Variants in CDCA7L observed in about 807,000 individuals in gnomAD.
The protein encoded by CDCA7L is cell division cycle-associated 7-like protein.
In CDCA7L, 44 loss-of-function variants were observed where a neutral mutation model predicts 57.4. The ratio of observed to expected loss-of-function variants is 0.77; its 90% CI spans 0.60 to 0.98. The LOEUF is 0.98. CDCA7L is among the 50% of genes least tolerant of loss of function. The probability of loss-of-function intolerance (pLI) is 0.00; values close to 1 mark genes in which losing one functional copy is unlikely to be tolerated. For synonymous variants in CDCA7L, 236 were observed against 202.8 expected (o/e 1.16, Z -1.39); for missense variants, 644 against 580.6 (o/e 1.11, Z -1.12).
At chr7:21,944,532 C>G (rs1786452323) in intron 1 of CDCA7L, 1 of 150,440 alleles carries the variant, frequency 6.6e-6, no homozygotes, top group Admixed American at 6.6e-5. Flanking sequence ...CTGTCTCATT[C>G]CGTAGGCTTT....
At position 21,908,204 on chromosome 7, in the gene CDCA7L, A is replaced by G; in HGVS notation, c.607T>C (p.Ser203Pro). Residue 203 changes from serine to proline, a missense_variant, in exon 4 of 10, where the codon TCT becomes CCT. By Grantham distance (74) the Ser-to-Pro change is moderately conservative (BLOSUM62 -1). Coordinates refer to ENST00000406877, the MANE Select transcript of CDCA7L (RefSeq NM_018719.5). ...GAACTCTCCTGGCTCTCATCCCGAG[A>G]GTCATCCTCAGACTCAGAGGTAGAA... Reference protein sequence around the residue: ...EDSTSESEDDSRDESQESSDA... With the variant: ...EDSTSESEDDPRDESQESSDA... The G allele has an allele frequency of 6.2e-7, 1 of 1,610,540 alleles. No homozygotes were observed.
chr7:21,902,874 G>T, intron 9 of CDCA7L, 104 bp downstream of exon 9: 1 of 1,042,728 alleles, frequency 9.6e-7, no homozygotes, highest in Non-Finnish European at 1.4e-6. Flanking sequence ...GTTTATATAA[G>T]TAAGTAAGTC....
intron 3 of CDCA7L, 147 bp from the exon 4 acceptor site, chr7:21,908,654 C>T: frequency 2.2e-6 from 2 of 893,238 alleles, no homozygotes; most frequent in Non-Finnish European, 1.6e-6. Flanking sequence ...CTCTGAATTT[C>T]CTTTAAATGT....
intron 1 of CDCA7L, among the ~76,000 whole-genome samples, chr7:21,936,211 C>T (rs1786157482): frequency 6.6e-6 from 1 of 151,666 alleles, no homozygotes; most frequent in South Asian, 2.1e-4. Context: ...CAAAGTAAAC[C>T]CCAGGACAAG....
intron 1 of CDCA7L, among the ~76,000 whole-genome samples, chr7:21,920,660 C>G (rs1262075947): frequency 6.6e-6 from 1 of 152,216 alleles, no homozygotes; most frequent in Non-Finnish European, 1.5e-5. Context: ...AAGCCTAACT[C>G]TGACATCATT....
Position 21,945,769 on chromosome 7 carries a change from C to A in CDCA7L, c.24+12G>T. The A allele has an allele frequency of 1.3e-6, 2 of 1,598,528 alleles. No homozygotes were observed. Among genetic ancestry groups the A allele is most frequent in the East Asian group, 2.3e-5 (1 of 42,992 alleles). The stretch of plus-strand genomic sequence containing the variant: ...GGTGCGTCCGGACGGCGGCGGGCGG[C>A]CGGACCCTCACCTGGTAGCGAGTCG... On this transcript the variant is annotated intron_variant, in intron 1 of 9. Coordinates refer to ENST00000406877, the MANE Select transcript of CDCA7L (RefSeq NM_018719.5).
chr7:21,940,994 GC>G lies in CDCA7L; in HGVS notation c.24+4786del, dbSNP rs1415658858. 2.0e-5 allele frequency among the ~76,000 whole-genome samples: 3 copies of G among 152,146 alleles called. No homozygotes were observed. The South Asian group carries it at 6.2e-4, about 32-fold the overall frequency. On this transcript the variant is annotated intron_variant, in intron 1 of 9. Transcript: ENST00000406877. ...TATCATAAGCTTGGTTCTAACCTCAGCAAAAACTGCTTTCTTTCAGCTAATA... is the reference window on the plus strand; with the variant it reads ...TATCATAAGCTTGGTTCTAACCTCAGAAAAACTGCTTTCTTTCAGCTAATA...
chr7:21,901,370 TTTTTTC>T lies in CDCA7L; in HGVS notation c.*946_*951del. 2 of 1,335,944 alleles carry T rather than the reference TTTTTTC, an allele frequency of 1.5e-6. No individual in the cohort carries two copies. The highest frequency in any genetic ancestry group is 2.0e-6 in the Non-Finnish European group (2 of 1,024,650). The allele number at this position is 1,335,944 out of a possible 1,614,324, so 82.8% of individuals were successfully genotyped here. On this transcript the variant is annotated 3_prime_UTR_variant, in exon 10 of 10. Coordinates refer to ENST00000406877, the MANE Select transcript of CDCA7L (RefSeq NM_018719.5). ...TTTTTAGTAACTCACACGTGCATTC[TTTTTTC>T]AACGCTATCCTTAGAGTGAAAGTCA...
chr7:21,918,548 G>A (rs553379595), intron 1 of CDCA7L, among the ~76,000 whole-genome samples: 74 of 152,282 alleles, frequency 4.9e-4, no homozygotes, highest in Non-Finnish European at 8.8e-4. Flanking sequence ...TATTTTTGAA[G>A]AAGCTGGGTC....
chr7:21,931,053 A>T (rs901164907), intron 1 of CDCA7L, among the ~76,000 whole-genome samples: 2 of 152,352 alleles, frequency 1.3e-5, no homozygotes, highest in Non-Finnish European at 2.9e-5. Flanking sequence ...ATTTCTGGAC[A>T]CATACACCCT....
In CDCA7L at chr7:21,940,806, C is replaced by T. The variant is rs1786319193; in HGVS notation, c.24+4975G>A. Among the ~76,000 whole-genome samples, 3 of 152,240 alleles carry T rather than the reference C, an allele frequency of 2.0e-5. No homozygotes were observed. The South Asian group carries it at 6.2e-4, about 31-fold the overall frequency. On this transcript the variant is annotated intron_variant, in intron 1 of 9. Transcript: ENST00000406877. ...ATTCCCCATAGCCCTAATCTGCAGTCACTTCCACTAAATGTCCACTGACAC... is the reference window on the plus strand; with the variant it reads ...ATTCCCCATAGCCCTAATCTGCAGTTACTTCCACTAAATGTCCACTGACAC...
rs765401220 is a variant in CDCA7L at position 21,903,009 on chromosome 7, C to T, written c.1303G>A (p.Gly435Ser). ...AGATATTCCTTAACATTGTCATAAC[C>T]ATAAAACTTGGCCAGATGAATGAGG... is the stretch of plus-strand genomic sequence containing the variant. Reference protein sequence around the residue: ...GILIHLAKFYGYDNVKEYLES... With the variant: ...GILIHLAKFYSYDNVKEYLES... Residue 435 changes from glycine (G) to serine (S), a missense_variant, in exon 9 of 10, where the codon GGT (glycine) becomes AGT (serine). Coordinates refer to ENST00000406877, the MANE Select transcript of CDCA7L (RefSeq NM_018719.5). The T allele has an allele frequency of 6.2e-7, 1 of 1,613,888 alleles. No individual in the cohort carries two copies. The highest frequency in any genetic ancestry group is 1.1e-5 in the South Asian group (1 of 91,050).
intron 2 of CDCA7L, among the ~76,000 whole-genome samples, chr7:21,916,519 A>C (rs967073433): frequency 2.6e-4 from 38 of 144,558 alleles, no homozygotes; most frequent in Middle Eastern, 3.5e-3. Context: ...TTATTTAAAA[A>C]AAAAAAAAAA....
At chr7:21,911,566 A>C (rs780882041) in intron 3 of CDCA7L, 51 bp downstream of exon 3, 2 of 1,550,066 alleles carry the variant, frequency 1.3e-6, no homozygotes. Context: ...CTCTTTCAGA[A>C]ACAGGATTAA....
chr7:21,911,178 C>T (rs763327222), intron 3 of CDCA7L, among the ~76,000 whole-genome samples: 12 of 151,444 alleles, frequency 7.9e-5, no homozygotes, highest in East Asian at 7.8e-4. Context: ...TACAGGTGCC[C>T]GCCACCACGC....
intron 1 of CDCA7L, among the ~76,000 whole-genome samples, chr7:21,937,491 A>T (rs1786205579): frequency 6.6e-6 from 1 of 152,052 alleles, no homozygotes; most frequent in Non-Finnish European, 1.5e-5. Flanking sequence ...AAAAAAAATT[A>T]GCCAGGCATG....
chr7:21,926,686 T>G (rs919051846), intron 1 of CDCA7L, among the ~76,000 whole-genome samples: 2 of 148,524 alleles, frequency 1.3e-5, no homozygotes, highest in Non-Finnish European at 3.0e-5. Flanking sequence ...CTGGGCAATG[T>G]AGCAAGACCC....
chr7:21,904,159 C>A lies in CDCA7L; in HGVS notation c.1148G>T (p.Cys383Phe). 1 of 1,613,376 alleles carries A rather than the reference C, an allele frequency of 6.2e-7. No individual in the cohort carries two copies. Among genetic ancestry groups the A allele is most frequent in the Non-Finnish European group, 8.5e-7 (1 of 1,179,664 alleles). ...CGVRGQFCGP[C>F]LRNRYGEDVR... ...ATCCTCCCCATAGCGGTTCCGCAGG[C>A]ATGGTCCACAGAACTGTCCTCGCAC... Residue 383 changes from cysteine to phenylalanine, a missense_variant, in exon 8 of 10, where the codon TGC (cysteine) becomes TTC (phenylalanine). Physicochemically the swap from Cys to Phe is radical, Grantham distance 205. Coordinates refer to ENST00000406877, the MANE Select transcript of CDCA7L (RefSeq NM_018719.5).
intron 1 of CDCA7L, among the ~76,000 whole-genome samples, chr7:21,935,575 A>T (rs570176564): frequency 1.5e-5 from 2 of 137,264 alleles, no homozygotes; most frequent in African/African-American, 5.4e-5. Context: ...AGAAAAATCA[A>T]TGAAGCCAAA....
Sources: allele counts gnomAD v4.1 joint callset (sites outside exome capture counted in the v4.1 genomes callset), GRCh38; gene constraint gnomAD v4.1.1; transcripts MANE v1.5; gene names NCBI Gene and HGNC (gene_info 2026-07-23, HGNC 2026-07-21).